NHS: variants seen among roughly 807,000 people sequenced by gnomAD.
The protein encoded by NHS is actin remodeling regulator NHS.
Under a neutral mutation model 72.5 loss-of-function variants are expected in NHS, and 5 were observed. The observed-to-expected ratio is 0.07, with a 90% CI of 0.04 to 0.14. NHS has a LOEUF of 0.14. NHS is among the 10% of genes least tolerant of loss of function. The probability of loss-of-function intolerance (pLI) is 1.00; values close to 1 mark genes in which losing one functional copy is unlikely to be tolerated. For synonymous variants in NHS, 464 were observed against 547.7 expected (o/e 0.85, Z 2.13); for missense variants, 1,072 against 1,355.7 (o/e 0.79, Z 3.29).
intron 1 of NHS, among the ~76,000 whole-genome samples, chrX:17,645,110 T>C (rs940091503): frequency 1.8e-5 from 2 of 112,170 alleles, no homozygotes; most frequent in African/African-American, 6.5e-5. Context: ...AGATAATTCA[T>C]TTGTAGACCC....
Position 17,732,278 on chromosome X carries a change from G to A in NHS, c.4770G>A (p.Ser1590=), listed in dbSNP as rs148333267. ...GAGTTAATGCAGAAGGCTTTTCCTC[G>A]AAGAGCTTTGCCACCTCAGCATCAG... ...SPRVNAEGFS[S]KSFATSASAR... Residue 1590 remains serine (S), a synonymous_variant, in exon 9 of 9, where the codon TCG becomes TCA. Coordinates refer to ENST00000676302, the MANE Select transcript of NHS (RefSeq NM_001291867.2). 1.7e-5 allele frequency: 21 copies of A among 1,210,681 alleles called. No individual in the cohort carries two copies. Among genetic ancestry groups the A allele is most frequent in the Admixed American group, 2.2e-5 (1 of 45,884 alleles).
At chrX:17,711,141 G>A (rs1435126086) in intron 3 of NHS, among the ~76,000 whole-genome samples, 1 of 112,435 alleles carries the variant, frequency 8.9e-6, no homozygotes, top group African/African-American at 3.2e-5. Flanking sequence ...CCTTACTCAT[G>A]TCTTTTATTT....
At chrX:17,697,544 G>A (rs1200439978) in intron 3 of NHS, among the ~76,000 whole-genome samples, 2 of 111,870 alleles carry the variant, frequency 1.8e-5, no homozygotes, top group Non-Finnish European at 3.8e-5. Flanking sequence ...AGAGAATTTT[G>A]CACCCATGAG....
At chrX:17,499,867 G>A (rs1159740949) in intron 1 of NHS, among the ~76,000 whole-genome samples, 1 of 111,831 alleles carries the variant, frequency 8.9e-6, no homozygotes, top group Non-Finnish European at 1.9e-5. Flanking sequence ...AAGGGGATCC[G>A]GGTGGGGCAC....
At chrX:17,626,426 C>G (rs2065798471) in intron 1 of NHS, among the ~76,000 whole-genome samples, 1 of 111,987 alleles carries the variant, frequency 8.9e-6, no homozygotes, top group Non-Finnish European at 1.9e-5. Context: ...TTTCACAAAA[C>G]TAGAATAATC....
rs201895500 is a variant in NHS, at chrX:17,597,426, T to TTC, written c.566-90312_566-90311dup. ...AAGCGTGAGCCACCGCGCCTGGCTA[T>TTC]TCTCTTTTTTTTTTTTTTTTAAGAA... is the stretch of plus-strand genomic sequence containing the variant. On this transcript the variant is annotated intron_variant, in intron 1 of 8. Transcript: ENST00000676302. Among the ~76,000 whole-genome samples the TTC allele has an allele frequency of 7.6e-3, 814 of 106,466 alleles. 28 individuals carry two copies. Among genetic ancestry groups the TTC allele is most frequent in the Admixed American group, 0.064 (644 of 10,004 alleles). 92.5% of individuals were successfully genotyped at this position (106,466 alleles called of 115,157 possible).
At chrX:17,473,851 T>C (rs921420821) in intron 1 of NHS, among the ~76,000 whole-genome samples, 11 of 112,216 alleles carry the variant, frequency 9.8e-5, no homozygotes, top group Admixed American at 7.6e-4. Flanking sequence ...TATGTGGTTA[T>C]TACATATGTG....
At chrX:17,633,179 A>G (rs2065828579) in intron 1 of NHS, among the ~76,000 whole-genome samples, 1 of 111,004 alleles carries the variant, frequency 9.0e-6, no homozygotes, top group Admixed American at 9.5e-5. Context: ...TACTCCTCAT[A>G]CTCTTCCGGA....
intron 1 of NHS, among the ~76,000 whole-genome samples, chrX:17,385,552 G>C (rs1201728676): frequency 1.8e-5 from 2 of 111,161 alleles, no homozygotes; most frequent in Non-Finnish European, 3.8e-5. Flanking sequence ...TTTTTATTTT[G>C]TTTTCATTTT....
chrX:17,402,420 C>G (rs2064506820), intron 1 of NHS, among the ~76,000 whole-genome samples: 1 of 111,869 alleles, frequency 8.9e-6, no homozygotes, highest in Non-Finnish European at 1.9e-5. Context: ...TGTCCATCAA[C>G]CAATGAATGG....
chrX:17,498,817 T>C (rs981667748), intron 1 of NHS, among the ~76,000 whole-genome samples: 1 of 111,807 alleles, frequency 8.9e-6, no homozygotes, highest in Admixed American at 9.5e-5. Context: ...CTAGCCATGA[T>C]GTCCTCTCTC....
chrX:17,414,190 C>G (rs992377689), intron 1 of NHS, among the ~76,000 whole-genome samples: 1 of 112,038 alleles, frequency 8.9e-6, no homozygotes, highest in African/African-American at 3.3e-5. Context: ...GCTTTCTGTG[C>G]AATTGATTGC....
rs770371466 is a variant in NHS at position 17,583,536 on chromosome X, T to G, written c.566-104206T>G. Among the ~76,000 whole-genome samples the G allele has an allele frequency of 1.6e-4, 18 of 112,363 alleles. No individual in the cohort carries two copies. The Admixed American group carries it at 1.7e-3, about 11-fold the overall frequency. On this transcript the variant is annotated intron_variant, in intron 1 of 8. Coordinates refer to ENST00000676302, the MANE Select transcript of NHS (RefSeq NM_001291867.2). ...TCAGCCTTGAAATGCCCACCAGACG[T>G]GGCCACCCAAACAAATTATTTCCGC...
At chrX:17,408,521 A>C (rs2064540628) in intron 1 of NHS, among the ~76,000 whole-genome samples, 1 of 111,161 alleles carries the variant, frequency 9.0e-6, no homozygotes, top group Non-Finnish European at 1.9e-5. Flanking sequence ...CCCCAGCCCC[A>C]TCCCCAGTGC....
intron 1 of NHS, among the ~76,000 whole-genome samples, chrX:17,618,099 A>G (rs1447198468): frequency 8.9e-6 from 1 of 112,101 alleles, no homozygotes; most frequent in Non-Finnish European, 1.9e-5. Context: ...ATTTCATTAC[A>G]TATCCAAATA....
chrX:17,613,017 CTTT>C (rs10576021), intron 1 of NHS, among the ~76,000 whole-genome samples: 15,356 of 102,326 alleles, frequency 0.15, 2,141 homozygotes, highest in African/African-American at 0.43. Flanking sequence ...GTTTTCATCA[CTTT>C]TTTTTTTTTT....
At chrX:17,421,495 A>G (rs1366664109) in intron 1 of NHS, among the ~76,000 whole-genome samples, 1 of 112,044 alleles carries the variant, frequency 8.9e-6, no homozygotes, top group African/African-American at 3.2e-5. Flanking sequence ...AGTGGTGTTA[A>G]CATAAGTCTA....
At chrX:17,556,267 A>G (rs759894806) in intron 1 of NHS, among the ~76,000 whole-genome samples, 23 of 112,982 alleles carry the variant, frequency 2.0e-4, no homozygotes, top group Non-Finnish European at 3.9e-4. Context: ...TAGAAGTCTT[A>G]TCCAAGATGA....
intron 1 of NHS, among the ~76,000 whole-genome samples, chrX:17,399,266 T>C (rs1392989327): frequency 4.5e-5 from 5 of 111,170 alleles, no homozygotes; most frequent in Non-Finnish European, 7.5e-5. Context: ...CACGGCTGGC[T>C]AATTTTTGTA....
Sources: gnomAD v4.1 joint callset for allele counts (sites outside exome capture counted in the v4.1 genomes callset) on GRCh38, gnomAD v4.1.1 for gene constraint, MANE v1.5 for transcripts, NCBI Gene and HGNC (gene_info 2026-07-23, HGNC 2026-07-21) for gene names.